CADM2: variants seen among roughly 807,000 people sequenced by gnomAD.
CADM2 encodes immunoglobulin superfamily member 4D.
In CADM2, 12 loss-of-function variants were observed where a neutral mutation model predicts 49.8. The ratio of observed to expected loss-of-function variants is 0.24; its 90% CI spans 0.15 to 0.39. The LOEUF (loss-of-function observed/expected upper bound fraction) is 0.39. Among genes scored for constraint, CADM2 ranks in the 10% least tolerant of loss-of-function variants. The pLI is 1.00. For synonymous variants in CADM2, 214 were observed against 175.4 expected (o/e 1.22, Z -1.74); for missense variants, 378 against 492.3 (o/e 0.77, Z 2.20).
At chr3:85,160,337 A>G (rs917145842) in intron 1 of CADM2, among the ~76,000 whole-genome samples, 2 of 152,128 alleles carry the variant, frequency 1.3e-5, no homozygotes, top group Non-Finnish European at 2.9e-5. Flanking sequence ...TCTGTAATTC[A>G]TTATGGTACA....
At chr3:85,450,429 G>C (rs1193601332) in intron 1 of CADM2, among the ~76,000 whole-genome samples, 3 of 151,848 alleles carry the variant, frequency 2.0e-5, no homozygotes, top group Non-Finnish European at 4.4e-5. Context: ...AAATGGTTTT[G>C]AACAATTCAT....
chr3:85,411,839 TTTTG>T (rs1158156533), intron 1 of CADM2, among the ~76,000 whole-genome samples: 2 of 152,130 alleles, frequency 1.3e-5, no homozygotes, highest in African/African-American at 4.8e-5. Context: ...CATATCATAA[TTTTG>T]TTTTATTTTT....
intron 3 of CADM2, among the ~76,000 whole-genome samples, chr3:85,835,155 T>G (rs149411123): frequency 2.0e-4 from 30 of 151,722 alleles, no homozygotes; most frequent in African/African-American, 7.0e-4. Flanking sequence ...AAGGCTTTAA[T>G]CTGCCACAGC....
intron 6 of CADM2, among the ~76,000 whole-genome samples, chr3:85,912,996 G>A (rs1250384280): frequency 6.6e-6 from 1 of 152,050 alleles, no homozygotes; most frequent in African/African-American, 2.4e-5. Context: ...TATAAATATA[G>A]GAGCTTATTT....
intron 8 of CADM2, chr3:86,012,529 G>T: frequency 7.3e-7 from 1 of 1,371,706 alleles, no homozygotes. Flanking sequence ...GGCCGGGAGC[G>T]GAGGGCTGGG....
chr3:85,303,873 G>T (rs1043329368), intron 1 of CADM2, among the ~76,000 whole-genome samples: 8 of 151,760 alleles, frequency 5.3e-5, no homozygotes, highest in African/African-American at 4.8e-5. Flanking sequence ...ATATAACTAG[G>T]TAGCAATTAA....
At chr3:85,665,745 C>T (rs1012850724) in intron 1 of CADM2, among the ~76,000 whole-genome samples, 1 of 151,918 alleles carries the variant, frequency 6.6e-6, no homozygotes, top group Non-Finnish European at 1.5e-5. Flanking sequence ...TTATATTGTA[C>T]CTGTCTTCAC....
intron 1 of CADM2, among the ~76,000 whole-genome samples, chr3:85,579,066 G>A (rs1447596118): frequency 6.6e-6 from 1 of 152,080 alleles, no homozygotes; most frequent in African/African-American, 2.4e-5. Context: ...AAAAATAAAT[G>A]AGTAAATAAA....
chr3:85,403,591 C>T (rs916591082), intron 1 of CADM2, among the ~76,000 whole-genome samples: 15 of 152,114 alleles, frequency 9.9e-5, no homozygotes, highest in Non-Finnish European at 1.9e-4. Flanking sequence ...TAAGGCAGAT[C>T]TGGTCTTCAC....
chr3:85,319,266 C>T (rs747139096), intron 1 of CADM2, among the ~76,000 whole-genome samples: 3 of 151,956 alleles, frequency 2.0e-5, no homozygotes, highest in African/African-American at 4.8e-5. Context: ...AACACCAGTC[C>T]GAATGGCTAT....
At chr3:85,327,176 A>G (rs2044776877) in intron 1 of CADM2, among the ~76,000 whole-genome samples, 1 of 152,108 alleles carries the variant, frequency 6.6e-6, no homozygotes, top group African/African-American at 2.4e-5. Context: ...AGGCTTCTAA[A>G]ATACAAAGGG....
At chr3:85,407,150 T>G (rs2035421955) in intron 1 of CADM2, among the ~76,000 whole-genome samples, 2 of 152,158 alleles carry the variant, frequency 1.3e-5, no homozygotes, top group Admixed American at 1.3e-4. Flanking sequence ...TGCAGTGAGC[T>G]GTGATCACGC....
chr3:85,969,759 T>G (rs1195504586), intron 8 of CADM2, among the ~76,000 whole-genome samples: 1 of 151,266 alleles, frequency 6.6e-6, no homozygotes, highest in Non-Finnish European at 1.5e-5. Flanking sequence ...CCGCTAGCTC[T>G]TAGAACAGGG....
At chr3:85,997,004 T>C (rs1342228071) in intron 8 of CADM2, among the ~76,000 whole-genome samples, 1 of 152,224 alleles carries the variant, frequency 6.6e-6, no homozygotes, top group Non-Finnish European at 1.5e-5. Flanking sequence ...AAGTGCTAAG[T>C]GATACATCGG....
In CADM2 at chr3:85,221,441, C is replaced by G. The variant is rs72913081; in HGVS notation, c.61+261773C>G. ...TTAATATTATTGCCAAGATTTCAAA[C>G]TCTCTTCACACCATCTAATTTCTTG... On this transcript the variant is annotated intron_variant, in intron 1 of 9. Transcript: ENST00000383699. Among the ~76,000 whole-genome samples the G allele has an allele frequency of 6.5e-3, 983 of 152,220 alleles. 15 individuals carry two copies. Among genetic ancestry groups the G allele is most frequent in the African/African-American group, 0.022 (919 of 41,534 alleles).
At chr3:85,467,066 C>T (rs1263465364) in intron 1 of CADM2, among the ~76,000 whole-genome samples, 1 of 152,106 alleles carries the variant, frequency 6.6e-6, no homozygotes, top group African/African-American at 2.4e-5. Context: ...TAGACAGATG[C>T]ACCATCTAAA....
intron 1 of CADM2, among the ~76,000 whole-genome samples, chr3:85,608,849 G>C (rs1243301136): frequency 6.6e-6 from 1 of 151,988 alleles, no homozygotes; most frequent in Non-Finnish European, 1.5e-5. Context: ...AGAGGGAAAA[G>C]AAAACCCAGC....
intron 8 of CADM2, among the ~76,000 whole-genome samples, chr3:86,051,215 G>A (rs1488699387): frequency 6.8e-6 from 1 of 147,116 alleles, no homozygotes; most frequent in Non-Finnish European, 1.5e-5. Context: ...CAAGTTCAAA[G>A]TTCCATGGAT....
intron 1 of CADM2, among the ~76,000 whole-genome samples, chr3:85,387,719 T>A (rs1476331005): frequency 6.6e-6 from 1 of 152,336 alleles, no homozygotes; most frequent in Non-Finnish European, 1.5e-5. Flanking sequence ...TATGTAGTAT[T>A]ATTTAGTAGT....
Sources: gnomAD v4.1 joint callset for allele counts (sites outside exome capture counted in the v4.1 genomes callset) on GRCh38, gnomAD v4.1.1 for gene constraint, MANE v1.5 for transcripts, NCBI Gene and HGNC (gene_info 2026-07-23, HGNC 2026-07-21) for gene names.